CHN2: variants seen among roughly 807,000 people sequenced by gnomAD.
The protein encoded by CHN2 is chimerin 2.
A neutral mutation model predicts 56.3 loss-of-function variants in CHN2; 35 were observed. The ratio of observed to expected loss-of-function variants is 0.62; its 90% CI spans 0.47 to 0.82. The LOEUF is 0.82. Ranked by LOEUF, CHN2 falls within the 40% of genes least tolerant of loss-of-function variation. CHN2 has a pLI of 0.00. For synonymous variants in CHN2, 210 were observed against 212.8 expected, an observed-to-expected ratio of 0.99 and a Z score of 0.12; for missense variants, 491 against 580.5, an observed-to-expected ratio of 0.85 and a Z score of 1.58.
intron 12 of CHN2, among the ~76,000 whole-genome samples, chr7:29,512,186 A>C (rs566742590): frequency 5.5e-5 from 8 of 146,144 alleles, no homozygotes; most frequent in Admixed American, 2.7e-4. Flanking sequence ...AGAGGGAAAA[A>C]AAAAACGCCT....
chr7:29,421,122 A>G (rs1804301805), intron 6 of CHN2, among the ~76,000 whole-genome samples: 2 of 152,122 alleles, frequency 1.3e-5, no homozygotes, highest in Non-Finnish European at 2.9e-5. Context: ...AACTAAATTT[A>G]GAAAGAAAAA....
At chr7:29,374,263 T>C (rs7794652) in intron 3 of CHN2, among the ~76,000 whole-genome samples, 70,711 of 151,836 alleles carry the variant, frequency 0.47, 16,582 homozygotes, top group Middle Eastern at 0.58. Flanking sequence ...GCAGTTTTCT[T>C]CTGAACTGGA....
At chr7:29,158,928 G>A (rs1002870575) in intron 2 of CHN2, among the ~76,000 whole-genome samples, 2 of 152,196 alleles carry the variant, frequency 1.3e-5, no homozygotes, top group Admixed American at 6.5e-5. Context: ...CTAGAGGAAT[G>A]TAACTGAAAA....
At chr7:29,353,663 G>C (rs993409750) in intron 1 of CHN2, among the ~76,000 whole-genome samples, 2 of 152,124 alleles carry the variant, frequency 1.3e-5, no homozygotes. Context: ...AGTTTAACAG[G>C]ACAGGAACAC....
In CHN2 at chr7:29,207,897, T is replaced by A. The variant is rs151301030; in HGVS notation, c.49+12907T>A. On this transcript the variant is annotated intron_variant, in intron 1 of 12. Coordinates refer to ENST00000222792, the MANE Select transcript of CHN2 (RefSeq NM_004067.4). ...CTGTCACAGAGGTTCTGACAGTATTTACTTTTACCCCACACAAGTAAAGAA... is the reference window on the plus strand; with the variant it reads ...CTGTCACAGAGGTTCTGACAGTATTAACTTTTACCCCACACAAGTAAAGAA... Among the ~76,000 whole-genome samples, 34 of 152,352 alleles carry A rather than the reference T, an allele frequency of 2.2e-4. 2 individuals carry two copies. Among genetic ancestry groups the A allele is most frequent in the African/African-American group, 8.2e-4 (34 of 41,586 alleles).
chr7:29,352,350 C>CGTGT (rs60859228), intron 1 of CHN2, among the ~76,000 whole-genome samples: 29,828 of 149,826 alleles, frequency 0.2, 3,394 homozygotes, highest in Non-Finnish European at 0.27. Context: ...TGCAGTCTGT[C>CGTGT]GTGTGTGTGT....
At chr7:29,269,455 A>T (rs1487008527) in intron 1 of CHN2, among the ~76,000 whole-genome samples, 1 of 152,182 alleles carries the variant, frequency 6.6e-6, no homozygotes, top group Non-Finnish European at 1.5e-5. Flanking sequence ...GCACCTGTTG[A>T]TGGACACTTA....
intron 1 of CHN2, among the ~76,000 whole-genome samples, chr7:29,265,824 G>T (rs1012583825): frequency 6.6e-6 from 1 of 152,120 alleles, no homozygotes; most frequent in Non-Finnish European, 1.5e-5. Flanking sequence ...ATGGATGAGC[G>T]TAACAACAAG....
intron 6 of CHN2, among the ~76,000 whole-genome samples, chr7:29,470,193 C>T (rs774202743): frequency 6.6e-6 from 1 of 152,196 alleles, no homozygotes; most frequent in Non-Finnish European, 1.5e-5. Context: ...ACAACACAGT[C>T]CTACGCTTGG....
intron 6 of CHN2, among the ~76,000 whole-genome samples, chr7:29,429,460 AT>A (rs1224163742): frequency 6.6e-6 from 1 of 152,174 alleles, no homozygotes; most frequent in Non-Finnish European, 1.5e-5. Flanking sequence ...GTTCGCTTTG[AT>A]ATCTGATACC....
chr7:29,195,649 TGAGA>T (rs1554358915), intron 1 of CHN2, among the ~76,000 whole-genome samples: 152 of 130,682 alleles, frequency 1.2e-3, no homozygotes, highest in Middle Eastern at 3.8e-3. Flanking sequence ...TGTGTGTGTG[TGAGA>T]GAGAGAGAGA....
chr7:29,292,305 C>T (rs1249599229), intron 1 of CHN2, among the ~76,000 whole-genome samples: 10 of 152,026 alleles, frequency 6.6e-5, no homozygotes, highest in South Asian at 2.1e-4. Context: ...TGGAGTGCTC[C>T]GAGACAACCT....
intron 6 of CHN2, among the ~76,000 whole-genome samples, chr7:29,423,062 AG>A (rs1804504347): frequency 6.6e-6 from 1 of 152,232 alleles, no homozygotes; most frequent in Admixed American, 6.5e-5. Flanking sequence ...TGCCTATCAA[AG>A]CGTTATATAA....
intron 3 of CHN2, among the ~76,000 whole-genome samples, chr7:29,379,503 T>C (rs1800327311): frequency 6.6e-6 from 1 of 152,220 alleles, no homozygotes; most frequent in Non-Finnish European, 1.5e-5. Flanking sequence ...GTCTATTTTT[T>C]AAAAGTTGGA....
intron 2 of CHN2, among the ~76,000 whole-genome samples, chr7:29,356,207 C>T (rs1044226205): frequency 2.0e-5 from 3 of 152,102 alleles, no homozygotes; most frequent in South Asian, 2.1e-4. Flanking sequence ...ACAGCCTGCA[C>T]GTGTCCAAGA....
chr7:29,309,188 G>A (rs988925925), intron 1 of CHN2, among the ~76,000 whole-genome samples: 18 of 151,488 alleles, frequency 1.2e-4, no homozygotes, highest in Non-Finnish European at 3.0e-5. Context: ...TTTTGTTTTT[G>A]TTTTTGTTTT....
chr7:29,370,965 A>T (rs1210564257), intron 3 of CHN2, among the ~76,000 whole-genome samples: 1 of 152,184 alleles, frequency 6.6e-6, no homozygotes, highest in Non-Finnish European at 1.5e-5. Context: ...CTAGCTACCT[A>T]ACACAGAGCC....
intron 1 of CHN2, among the ~76,000 whole-genome samples, chr7:29,299,514 C>T (rs1361809370): frequency 2.6e-5 from 4 of 152,142 alleles, no homozygotes; most frequent in Non-Finnish European, 1.5e-5. Context: ...GCCTCTGCTG[C>T]TTGCTAGCTC....
intron 8 of CHN2, among the ~76,000 whole-genome samples, chr7:29,499,213 TGTTATA>T (rs1789660087): frequency 6.6e-6 from 1 of 152,168 alleles, no homozygotes; most frequent in Non-Finnish European, 1.5e-5. Context: ...TACATGGTAT[TGTTATA>T]AACTCTCAAG....
Sources: allele counts gnomAD v4.1 joint callset (sites outside exome capture counted in the v4.1 genomes callset), GRCh38; gene constraint gnomAD v4.1.1; transcripts MANE v1.5; gene names NCBI Gene and HGNC (gene_info 2026-07-23, HGNC 2026-07-21).